SNTB1: variants seen among roughly 807,000 people sequenced by gnomAD.
SNTB1 encodes beta-1-syntrophin.
A neutral mutation model predicts 48.9 loss-of-function variants in SNTB1; 36 were observed. The ratio of observed to expected loss-of-function variants is 0.74; its 90% CI spans 0.56 to 0.97. SNTB1 has a LOEUF of 0.97. Among genes scored for constraint, SNTB1 ranks in the 50% least tolerant of loss-of-function variants. The probability of loss-of-function intolerance (pLI) is 0.00; values close to 1 mark genes in which losing one functional copy is unlikely to be tolerated. For synonymous variants in SNTB1, 299 were observed against 294.6 expected (o/e 1.01, Z -0.15); for missense variants, 786 against 703.4 (o/e 1.12, Z -1.33).
At chr8:120,696,100 A>C (rs1053396200) in intron 1 of SNTB1, among the ~76,000 whole-genome samples, 1 of 152,208 alleles carries the variant, frequency 6.6e-6, no homozygotes, top group Non-Finnish European at 1.5e-5. Flanking sequence ...TTTTAGTAGA[A>C]GCTAGTACAC....
chr8:120,715,428 G>T (rs1002804312), intron 1 of SNTB1, among the ~76,000 whole-genome samples: 3 of 152,134 alleles, frequency 2.0e-5, no homozygotes, highest in African/African-American at 7.2e-5. Flanking sequence ...ACTCAACAGA[G>T]CCCAGAAAAC....
chr8:120,794,492 T>TAC (rs60489007), intron 1 of SNTB1, among the ~76,000 whole-genome samples: 17,799 of 151,572 alleles, frequency 0.12, 1,516 homozygotes, highest in African/African-American at 0.24. Context: ...TATATATATA[T>TAC]ACACACACAC....
intron 3 of SNTB1, among the ~76,000 whole-genome samples, chr8:120,600,799 G>A (rs1816409927): frequency 6.6e-6 from 1 of 151,840 alleles, no homozygotes; most frequent in African/African-American, 2.4e-5. Flanking sequence ...ATGGGATGAG[G>A]CACAGCTGCA....
intron 3 of SNTB1, among the ~76,000 whole-genome samples, chr8:120,587,385 A>C (rs930110275): frequency 7.9e-5 from 12 of 152,214 alleles, no homozygotes; most frequent in African/African-American, 2.9e-4. Context: ...AGATCTCCAC[A>C]ATAATCCTCT....
At chr8:120,775,939 G>A (rs1164048077) in intron 1 of SNTB1, among the ~76,000 whole-genome samples, 1 of 152,064 alleles carries the variant, frequency 6.6e-6, no homozygotes, top group Non-Finnish European at 1.5e-5. Context: ...CAACGTGCAG[G>A]TTTGCTACAT....
chr8:120,548,626 A>T, intron 5 of SNTB1, 136 bp downstream of exon 5: 1 of 725,642 alleles, frequency 1.4e-6, no homozygotes, highest in Non-Finnish European at 2.3e-6. Context: ...TCCTTAATTT[A>T]GAAGAATTTA....
intron 4 of SNTB1, among the ~76,000 whole-genome samples, chr8:120,555,750 T>C (rs1377641928): frequency 6.6e-6 from 1 of 151,752 alleles, no homozygotes; most frequent in Non-Finnish European, 1.5e-5. Context: ...TACAAGGAGG[T>C]AATAAAGGTT....
At chr8:120,670,359 T>C (rs1446071755) in intron 2 of SNTB1, among the ~76,000 whole-genome samples, 5 of 152,220 alleles carry the variant, frequency 3.3e-5, no homozygotes, top group East Asian at 1.9e-4. Context: ...TTCGTCTTCA[T>C]ACGGCAAGGG....
chr8:120,715,773 A>T (rs1019757088), intron 1 of SNTB1, among the ~76,000 whole-genome samples: 1 of 152,070 alleles, frequency 6.6e-6, no homozygotes, highest in Non-Finnish European at 1.5e-5. Flanking sequence ...TGTTTCATTT[A>T]TTGAGTGCGC....
chr8:120,606,343 T>C (rs983954384), intron 3 of SNTB1, among the ~76,000 whole-genome samples: 4 of 149,142 alleles, frequency 2.7e-5, no homozygotes, highest in Non-Finnish European at 4.4e-5. Flanking sequence ...AAATATGATA[T>C]ACTTTATAAA....
At chr8:120,630,065 A>C (rs183117781) in intron 3 of SNTB1, among the ~76,000 whole-genome samples, 4 of 152,364 alleles carry the variant, frequency 2.6e-5, no homozygotes, top group Admixed American at 2.6e-4. Context: ...ATGAGAGAAA[A>C]GTACCTTCAA....
In SNTB1 at chr8:120,632,430, G is replaced by C. The variant is rs985466050; in HGVS notation, c.996+14C>G. ...GGGGAGGACGACTATTACAGAGGAA[G>C]GTATTTTCCTTACCTTTTCTGCAAG... On this transcript the variant is annotated intron_variant, in intron 3 of 6. Coordinates refer to ENST00000517992, the MANE Select transcript of SNTB1 (RefSeq NM_021021.4). 5.6e-6 allele frequency: 9 copies of C among 1,611,460 alleles called. No individual in the cohort carries two copies. Among genetic ancestry groups the C allele is most frequent in the Non-Finnish European group, 8.5e-7 (1 of 1,178,888 alleles).
rs536517250 is a variant in SNTB1 at position 120,679,601 on chromosome 8, T to C, written c.788+14091A>G. 3.3e-5 allele frequency among the ~76,000 whole-genome samples: 5 copies of C among 152,346 alleles called. No individual in the cohort carries two copies. In the East Asian group the frequency reaches 7.7e-4, roughly 24 times the overall value. On this transcript the variant is annotated intron_variant, in intron 2 of 6. Coordinates refer to ENST00000517992, the MANE Select transcript of SNTB1 (RefSeq NM_021021.4). ...CCTGCCAATTCTATCTGTTTAAGTCTTTCAAATGTATCTAACTATTCTTCA... is the reference window on the plus strand; with the variant it reads ...CCTGCCAATTCTATCTGTTTAAGTCCTTCAAATGTATCTAACTATTCTTCA...
chr8:120,758,171 T>C (rs1819349502), intron 1 of SNTB1, among the ~76,000 whole-genome samples: 2 of 152,218 alleles, frequency 1.3e-5, no homozygotes, highest in Admixed American at 1.3e-4. Flanking sequence ...ATTTCCAATA[T>C]TTAAATCTTA....
chr8:120,805,652 A>G (rs1334607203), intron 1 of SNTB1, among the ~76,000 whole-genome samples: 1 of 152,238 alleles, frequency 6.6e-6, no homozygotes, highest in Non-Finnish European at 1.5e-5. Context: ...TTCGGACTTT[A>G]AAAACTGTAA....
At chr8:120,750,660 T>C (rs554619563) in intron 1 of SNTB1, among the ~76,000 whole-genome samples, 3 of 152,024 alleles carry the variant, frequency 2.0e-5, no homozygotes, top group African/African-American at 7.3e-5. Flanking sequence ...CACTGGGGTG[T>C]ATCTGGCCTT....
At position 120,542,198 on chromosome 8, in the gene SNTB1, C is replaced by G. The variant is rs571137615; in HGVS notation, c.1334-198G>C. The G allele has an allele frequency of 1.8e-3, 951 of 522,730 alleles. 2 individuals carry two copies. The highest frequency in any genetic ancestry group is 2.7e-3 in the Non-Finnish European group (804 of 298,428). The allele number at this position is 522,730 out of a possible 1,614,324, so 32.4% of individuals were successfully genotyped here. A position where few individuals can be genotyped will look rare whatever the true frequency, so the allele number is the denominator to read the frequency against. Reference sequence around the variant, plus strand: ...TTGTAATTTTAAAAGCCCCATAGAACTAAGGAAAAATAATGGAAAGAAATT... The same window carrying G: ...TTGTAATTTTAAAAGCCCCATAGAAGTAAGGAAAAATAATGGAAAGAAATT... On this transcript the variant is annotated intron_variant, in intron 5 of 6. Transcript: ENST00000517992.
At chr8:120,761,919 C>T (rs900959551) in intron 1 of SNTB1, among the ~76,000 whole-genome samples, 1 of 152,210 alleles carries the variant, frequency 6.6e-6, no homozygotes, top group Admixed American at 6.5e-5. Context: ...TGGGTTCCAG[C>T]AGTCTGTGTA....
At chr8:120,658,417 G>A (rs1587068814) in intron 2 of SNTB1, among the ~76,000 whole-genome samples, 1 of 152,272 alleles carries the variant, frequency 6.6e-6, no homozygotes, top group African/African-American at 2.4e-5. Context: ...GTTAGTACAG[G>A]AGAACTAGAT....
Sources: gnomAD v4.1 joint callset for allele counts (sites outside exome capture counted in the v4.1 genomes callset) on GRCh38, gnomAD v4.1.1 for gene constraint, MANE v1.5 for transcripts, NCBI Gene and HGNC (gene_info 2026-07-23, HGNC 2026-07-21) for gene names.